Variants in NPSR1 observed in about 807,000 individuals in gnomAD.
The protein encoded by NPSR1 is neuropeptide S receptor 1, also known as neuropeptide S receptor.
In NPSR1, 48 loss-of-function variants were observed where a neutral mutation model predicts 46.9. The ratio of observed to expected loss-of-function variants is 1.02; its 90% confidence interval spans 0.81 to 1.30. NPSR1 has a LOEUF of 1.30. Ranked by LOEUF, NPSR1 falls within the 50% of genes most tolerant of loss-of-function variation. The probability of loss-of-function intolerance (pLI) is 0.00; values close to 1 mark genes in which losing one functional copy is unlikely to be tolerated. For synonymous variants in NPSR1, 176 were observed against 168.1 expected, an observed-to-expected ratio of 1.05 and a Z score of -0.36; for missense variants, 450 against 449.5, an observed-to-expected ratio of 1.00 and a Z score of -0.01.
chr7:34,836,522 G>A (rs1233831398), intron 6 of NPSR1, among the ~76,000 whole-genome samples: 1 of 152,074 alleles, frequency 6.6e-6, no homozygotes, highest in Non-Finnish European at 1.5e-5. Flanking sequence ...ATATTAGATT[G>A]TTGTATCATA....
chr7:34,763,048 T>C (rs531505267), intron 2 of NPSR1, among the ~76,000 whole-genome samples: 124 of 152,306 alleles, frequency 8.1e-4, no homozygotes, highest in African/African-American at 2.9e-3. Context: ...TAAGGAAGTT[T>C]GCAAATATGT....
chr7:34,760,603 C>A (rs1043323202), intron 2 of NPSR1, among the ~76,000 whole-genome samples: 2 of 152,142 alleles, frequency 1.3e-5, no homozygotes. Context: ...TGGAAAATAT[C>A]AAATCATAAC....
intron 6 of NPSR1, among the ~76,000 whole-genome samples, chr7:34,837,558 C>T (rs1396508489): frequency 6.6e-6 from 1 of 152,232 alleles, no homozygotes; most frequent in East Asian, 1.9e-4. Context: ...GAATACTGCA[C>T]AGGCAGTGAG....
chr7:34,672,816 G>T (rs1203122322), intron 1 of NPSR1, among the ~76,000 whole-genome samples: 1 of 152,214 alleles, frequency 6.6e-6, no homozygotes, highest in African/African-American at 2.4e-5. Flanking sequence ...GAAGATCGCA[G>T]ATGGACAAGA....
chr7:34,780,802 T>C (rs1347685172), intron 3 of NPSR1, among the ~76,000 whole-genome samples: 2 of 152,186 alleles, frequency 1.3e-5, no homozygotes, highest in Non-Finnish European at 2.9e-5. Context: ...GGCAGTTCTC[T>C]GGAAGACTCC....
At position 34,811,860 on chromosome 7, in the gene NPSR1, G is replaced by A; in HGVS notation, c.475G>A (p.Gly159Arg). Residue 159 changes from glycine to arginine, a missense_variant, in exon 4 of 9, where the codon GGA (glycine) becomes AGA (arginine). By Grantham distance (125) the Gly-to-Arg change is moderately radical. Coordinates refer to ENST00000360581, the MANE Select transcript of NPSR1 (RefSeq NM_207172.2). ...CGTCTACCCCATGAAGTTCCTTCAA[G>A]GAGGTGAGCTGGCTTTACCAGGTGC... The part of the protein sequence containing the change: ...AIVYPMKFLQ[G>R]EKQARVLIVI... 1 of 1,611,660 alleles carries A rather than the reference G, an allele frequency of 6.2e-7. No individual in the cohort carries two copies. The highest frequency in any genetic ancestry group is 8.5e-7 in the Non-Finnish European group (1 of 1,178,372).
At chr7:34,852,621 T>C (rs1790963182), downstream of NPSR1, among the ~76,000 whole-genome samples, 1 of 152,140 alleles carries the variant, frequency 6.6e-6, no homozygotes, top group South Asian at 2.1e-4. Flanking sequence ...TCCCTATCTA[T>C]CACTATGAAT....
chr7:34,829,543 G>C (rs1229318946), intron 5 of NPSR1, among the ~76,000 whole-genome samples: 1 of 152,204 alleles, frequency 6.6e-6, no homozygotes, highest in Non-Finnish European at 1.5e-5. Context: ...ATCGATTTCA[G>C]TGGCAGCACA....
At chr7:34,701,881 T>C (rs1298841460) in intron 2 of NPSR1, among the ~76,000 whole-genome samples, 2 of 152,256 alleles carry the variant, frequency 1.3e-5, no homozygotes, top group Non-Finnish European at 2.9e-5. Context: ...TGAGTGATTC[T>C]TTGAAGAACA....
At chr7:34,705,312 A>G (rs1323231963) in intron 2 of NPSR1, among the ~76,000 whole-genome samples, 1 of 151,926 alleles carries the variant, frequency 6.6e-6, no homozygotes, top group African/African-American at 2.4e-5. Flanking sequence ...CCGTAATACC[A>G]GCTACTCAGG....
At chr7:34,757,694 T>A (rs557593776) in intron 2 of NPSR1, among the ~76,000 whole-genome samples, 1 of 152,280 alleles carries the variant, frequency 6.6e-6, no homozygotes, top group African/African-American at 2.4e-5. Flanking sequence ...TTGCTTCCTC[T>A]CACTCTGCTA....
intron 5 of NPSR1, among the ~76,000 whole-genome samples, chr7:34,828,046 T>C (rs2128756613): frequency 6.6e-6 from 1 of 152,318 alleles, no homozygotes; most frequent in East Asian, 1.9e-4. Flanking sequence ...ATTACCAGTT[T>C]CAGGGATTTT....
chr7:34,768,264 C>T (rs1219082185), intron 2 of NPSR1: 1 of 152,114 alleles, frequency 6.6e-6, no homozygotes, highest in Non-Finnish European at 1.5e-5. Context: ...CAGAATTCTA[C>T]ATCTAGCAAA....
intron 3 of NPSR1, among the ~76,000 whole-genome samples, chr7:34,788,694 T>C (rs1464246817): frequency 2.0e-5 from 3 of 151,882 alleles, no homozygotes; most frequent in Non-Finnish European, 2.9e-5. Flanking sequence ...AAGAGAGAAA[T>C]AGACTGCAAT....
intron 2 of NPSR1, among the ~76,000 whole-genome samples, chr7:34,721,043 A>G (rs1186330421): frequency 6.6e-6 from 1 of 152,210 alleles, no homozygotes; most frequent in Non-Finnish European, 1.5e-5. Flanking sequence ...TTTCAAGGAA[A>G]TGTTTTACTG....
chr7:34,714,963 C>T (rs1478066668), intron 2 of NPSR1, among the ~76,000 whole-genome samples: 2 of 152,236 alleles, frequency 1.3e-5, no homozygotes, highest in African/African-American at 4.8e-5. Context: ...CACCCCACAT[C>T]CCAGGCTGGT....
At chr7:34,774,416 C>G (rs1330103143) in intron 2 of NPSR1, among the ~76,000 whole-genome samples, 1 of 152,168 alleles carries the variant, frequency 6.6e-6, no homozygotes, top group Non-Finnish European at 1.5e-5. Context: ...CCAGATGTGC[C>G]ATTTCCATTT....
chr7:34,703,828 GACTT>G (rs57731012), intron 2 of NPSR1: 57,644 of 152,164 alleles, frequency 0.38, 11,472 homozygotes, highest in African/African-American at 0.49. Flanking sequence ...CCATCTTTAA[GACTT>G]ACTTGTCTGT....
chr7:34,715,859 G>A (rs1047823914), intron 2 of NPSR1, among the ~76,000 whole-genome samples: 1 of 152,212 alleles, frequency 6.6e-6, no homozygotes, highest in African/African-American at 2.4e-5. Context: ...CCTGGGTGGT[G>A]AATAGCACCT....
Sources: gnomAD v4.1 joint callset for allele counts (sites outside exome capture counted in the v4.1 genomes callset) on GRCh38, gnomAD v4.1.1 for gene constraint, MANE v1.5 for transcripts, NCBI Gene and HGNC (gene_info 2026-07-23, HGNC 2026-07-21) for gene names.